The following PKP4 variants were observed in gnomAD, a reference collection of about 807,000 sequenced individuals.
PKP4 encodes the protein plakophilin-4.
In PKP4, 90 loss-of-function variants were observed where a neutral mutation model predicts 145.1. The ratio of observed to expected loss-of-function variants is 0.62; its 90% CI spans 0.52 to 0.74. The LOEUF (loss-of-function observed/expected upper bound fraction) is 0.74, where lower values mean the gene tolerates loss of function less well. PKP4 is among the 30% of genes least tolerant of loss of function. The probability of loss-of-function intolerance (pLI) is 0.00; values close to 1 mark genes in which losing one functional copy is unlikely to be tolerated. For missense variants in PKP4, 1,340 were observed against 1,482.7 expected, an observed-to-expected ratio of 0.90 and a Z score of 1.58; for synonymous variants, 563 against 577.2, an observed-to-expected ratio of 0.98 and a Z score of 0.35.
chr2:158,654,226 A>C (rs2105959112), intron 11 of PKP4, among the ~76,000 whole-genome samples: 1 of 152,348 alleles, frequency 6.6e-6, no homozygotes, highest in Non-Finnish European at 1.5e-5. Flanking sequence ...GCAGGATTAG[A>C]GGATAATATA....
intron 1 of PKP4, among the ~76,000 whole-genome samples, chr2:158,477,405 C>G (rs768327658): frequency 6.6e-6 from 1 of 152,152 alleles, no homozygotes; most frequent in Non-Finnish European, 1.5e-5. Flanking sequence ...AGGAAATGAT[C>G]TAGCCAACTC....
intron 2 of PKP4, among the ~76,000 whole-genome samples, chr2:158,561,868 C>G (rs2105739324): frequency 6.6e-6 from 1 of 151,170 alleles, no homozygotes; most frequent in African/African-American, 2.4e-5. Flanking sequence ...ATACATGTGA[C>G]ATGTTGGTTT....
intron 2 of PKP4, among the ~76,000 whole-genome samples, chr2:158,571,525 T>G (rs2047407886): frequency 6.6e-6 from 1 of 152,164 alleles, no homozygotes; most frequent in South Asian, 2.1e-4. Context: ...GAATACATAG[T>G]CTTCACCAGA....
chr2:158,511,334 C>T (rs894003164), intron 1 of PKP4, among the ~76,000 whole-genome samples: 1 of 151,816 alleles, frequency 6.6e-6, no homozygotes, highest in African/African-American at 2.4e-5. Context: ...TGCAGTGAGC[C>T]AAGATTGCGC....
At chr2:158,552,654 G>A (rs1288325062) in intron 2 of PKP4, among the ~76,000 whole-genome samples, 1 of 152,144 alleles carries the variant, frequency 6.6e-6, no homozygotes, top group Non-Finnish European at 1.5e-5. Flanking sequence ...GCATACCTTG[G>A]TGATACTGGT....
At chr2:158,625,603 A>C (rs1425150437) in intron 7 of PKP4, among the ~76,000 whole-genome samples, 176 bp downstream of exon 7, 1 of 152,180 alleles carries the variant, frequency 6.6e-6, no homozygotes, top group African/African-American at 2.4e-5. Context: ...TAATACATGA[A>C]ATTATATACA....
intron 2 of PKP4, among the ~76,000 whole-genome samples, chr2:158,557,002 C>T (rs1359697738): frequency 6.6e-6 from 1 of 152,068 alleles, no homozygotes; most frequent in African/African-American, 2.4e-5. Context: ...AGAGCATCAA[C>T]TCTGGAGTCA....
chr2:158,678,355 C>G (rs1453456775), intron 20 of PKP4, among the ~76,000 whole-genome samples: 1 of 152,174 alleles, frequency 6.6e-6, no homozygotes, highest in Admixed American at 6.5e-5. Flanking sequence ...ACACACACAG[C>G]CTGTTTCTGC....
At chr2:158,604,048 A>G (rs55730033) in intron 4 of PKP4, among the ~76,000 whole-genome samples, 29,305 of 152,234 alleles carry the variant, frequency 0.19, 3,667 homozygotes, top group Middle Eastern at 0.35. Flanking sequence ...GTGAAAAGCT[A>G]CCTAACAATA....
chr2:158,667,046 GGGGCAGGACTA>G (rs2057157762), intron 16 of PKP4, among the ~76,000 whole-genome samples: 1 of 152,190 alleles, frequency 6.6e-6, no homozygotes, highest in Non-Finnish European at 1.5e-5. Flanking sequence ...ACCCTGGGCA[GGGGCAGGACTA>G]GGGTGAGCTA....
At chr2:158,672,885 T>C (rs2057690620) in intron 17 of PKP4, among the ~76,000 whole-genome samples, 1 of 152,128 alleles carries the variant, frequency 6.6e-6, no homozygotes, top group Non-Finnish European at 1.5e-5. Flanking sequence ...TTAGATCGGG[T>C]ATATACATTT....
intron 2 of PKP4, among the ~76,000 whole-genome samples, chr2:158,561,661 T>C (rs768737938): frequency 6.6e-6 from 1 of 152,252 alleles, no homozygotes; most frequent in Non-Finnish European, 1.5e-5. Context: ...CAGGCCGACT[T>C]CCCAGGTTAC....
chr2:158,613,539 T>C (rs961275616), intron 4 of PKP4, among the ~76,000 whole-genome samples: 1 of 152,190 alleles, frequency 6.6e-6, no homozygotes, highest in Non-Finnish European at 1.5e-5. Flanking sequence ...CTTAGACTGA[T>C]TGAATTGGAA....
At chr2:158,487,488 C>T (rs945203925) in intron 1 of PKP4, among the ~76,000 whole-genome samples, 1 of 152,078 alleles carries the variant, frequency 6.6e-6, no homozygotes, top group South Asian at 2.1e-4. Context: ...AAAGAAAAGG[C>T]CTCTGGTTGG....
chr2:158,652,980 G>A (rs141125722), intron 11 of PKP4, among the ~76,000 whole-genome samples: 54 of 152,320 alleles, frequency 3.5e-4, no homozygotes, highest in African/African-American at 1.2e-3. Flanking sequence ...CACTCAGAGC[G>A]AGGTTCACTC....
rs186780969 is a variant in PKP4 at position 158,675,712 on chromosome 2, A to G, written c.3128-1027A>G. Among the ~76,000 whole-genome samples, 8 of 152,360 alleles carry G rather than the reference A, an allele frequency of 5.3e-5. No individual in the cohort carries two copies. The East Asian group carries it at 1.5e-3, about 29-fold the overall frequency. ...CTTTCTGTCCTACTACTTTCTGGAA[A>G]GTAAGCAAGGTGAGCAGCACATAGA... On this transcript the variant is annotated intron_variant, in intron 19 of 21. Coordinates refer to ENST00000389759, the MANE Select transcript of PKP4 (RefSeq NM_003628.6).
intron 1 of PKP4, among the ~76,000 whole-genome samples, chr2:158,490,347 A>AT (rs920190243): frequency 1.8e-4 from 25 of 140,056 alleles, no homozygotes; most frequent in African/African-American, 6.3e-4. Context: ...CACCAAATTG[A>AT]TTTAAAAAAA....
At chr2:158,625,548 A>G in intron 7 of PKP4, 121 bp downstream of exon 7, 1 of 767,480 alleles carries the variant, frequency 1.3e-6, no homozygotes, top group Non-Finnish European at 2.1e-6. Context: ...TCAGATTTTA[A>G]ACTATAAACT....
intron 2 of PKP4, among the ~76,000 whole-genome samples, chr2:158,572,162 A>G (rs1430772574): frequency 6.6e-6 from 1 of 152,198 alleles, no homozygotes; most frequent in Admixed American, 6.5e-5. Flanking sequence ...AATGGAAAAT[A>G]CTGTCTTTGA....
Sources: allele counts gnomAD v4.1 joint callset (sites outside exome capture counted in the v4.1 genomes callset), GRCh38; gene constraint gnomAD v4.1.1; transcripts MANE v1.5; gene names NCBI Gene and HGNC (gene_info 2026-07-23, HGNC 2026-07-21).